Variants in OSBPL1A observed in about 807,000 individuals in gnomAD.
The protein encoded by OSBPL1A is oxysterol-binding protein-related protein 1.
OSBPL1A carries 80 observed loss-of-function variants against 137.1 expected under a neutral mutation model. The observed-to-expected ratio is 0.58, with a 90% CI of 0.49 to 0.70. The LOEUF (loss-of-function observed/expected upper bound fraction) is 0.70. Among genes scored for constraint, OSBPL1A ranks in the 30% least tolerant of loss-of-function variants. The pLI is 0.00. For synonymous variants in OSBPL1A, 365 were observed against 389.7 expected (o/e 0.94, Z 0.75); for missense variants, 970 against 1,129.4 (o/e 0.86, Z 2.02).
intron 2 of OSBPL1A, among the ~76,000 whole-genome samples, chr18:24,371,965 A>G (rs921443101): frequency 2.0e-5 from 3 of 152,032 alleles, no homozygotes; most frequent in African/African-American, 7.3e-5. Context: ...CGACTATTCC[A>G]TTACTGGTAA....
intron 3 of OSBPL1A, chr18:24,368,030 T>C: frequency 3.7e-6 from 1 of 268,394 alleles, no homozygotes; most frequent in Non-Finnish European, 7.0e-6. Context: ...AAATAAAATC[T>C]TCATTAATAT....
At chr18:24,352,539 T>C (rs954490670) in intron 4 of OSBPL1A, among the ~76,000 whole-genome samples, 2 of 152,104 alleles carry the variant, frequency 1.3e-5, no homozygotes, top group African/African-American at 4.8e-5. Context: ...TACCAATGCC[T>C]TTCTTCACAG....
At chr18:24,359,477 C>T (rs1038223237) in intron 4 of OSBPL1A, among the ~76,000 whole-genome samples, 7 of 151,490 alleles carry the variant, frequency 4.6e-5, no homozygotes, top group African/African-American at 1.7e-4. Flanking sequence ...GGTAGGAAGA[C>T]CGCTTAAGGT....
At chr18:24,220,052 T>C (rs1052588594) in intron 17 of OSBPL1A, among the ~76,000 whole-genome samples, 2 of 152,210 alleles carry the variant, frequency 1.3e-5, no homozygotes, top group Non-Finnish European at 2.9e-5. Flanking sequence ...GAGATGGATG[T>C]CACACGTAAT....
At chr18:24,263,213 T>A (rs2089483023) in intron 15 of OSBPL1A, among the ~76,000 whole-genome samples, 1 of 152,218 alleles carries the variant, frequency 6.6e-6, no homozygotes, top group Non-Finnish European at 1.5e-5. Context: ...GGAGGTTATA[T>A]GTCTATCTGA....
chr18:24,191,140 T>TTTCCCAGAGGCCAAGA lies in OSBPL1A; in HGVS notation c.1677+4969_1677+4984dup, dbSNP rs540760702. On this transcript the variant is annotated intron_variant, in intron 18 of 27. Coordinates refer to ENST00000319481, the MANE Select transcript of OSBPL1A (RefSeq NM_080597.4). ...GCTTGGGAAAAGCTTCTCTGGTGTA[T>TTTCCCAGAGGCCAAGA]TTCCCAGAGGCCAAGAAGCCAATGA... Among the ~76,000 whole-genome samples the TTTCCCAGAGGCCAAGA allele has an allele frequency of 1.2e-4, 18 of 151,708 alleles. No homozygotes were observed. The East Asian group carries it at 3.5e-3, about 29-fold the overall frequency.
At position 24,211,681 on chromosome 18, in the gene OSBPL1A, C is replaced by T. The variant is rs138191146; in HGVS notation, c.1601+13361G>A. The stretch of plus-strand genomic sequence containing the variant: ...AGGCAGTTAAAAAAAAAAAAAAATT[C>T]GGCCAGGCGCAGTGTCTCATGCCTG... On this transcript the variant is annotated intron_variant, in intron 17 of 27. Coordinates refer to ENST00000319481, the MANE Select transcript of OSBPL1A (RefSeq NM_080597.4). Among the ~76,000 whole-genome samples the T allele has an allele frequency of 1.1e-3, 167 of 150,066 alleles. 3 individuals carry two copies. In the East Asian group the frequency reaches 0.029, roughly 26 times the overall value.
chr18:24,228,833 G>A (rs1316295733), intron 16 of OSBPL1A, among the ~76,000 whole-genome samples: 1 of 152,168 alleles, frequency 6.6e-6, no homozygotes, highest in Non-Finnish European at 1.5e-5. Flanking sequence ...GCAGTGAGAT[G>A]GCAGTGGAAG....
At chr18:24,209,790 T>C (rs1463168334) in intron 17 of OSBPL1A, among the ~76,000 whole-genome samples, 1 of 152,186 alleles carries the variant, frequency 6.6e-6, no homozygotes, top group African/African-American at 2.4e-5. Flanking sequence ...ACACGCACTG[T>C]GATTCATTTA....
chr18:24,357,698 G>A (rs2091560296), intron 4 of OSBPL1A: 2 of 152,252 alleles, frequency 1.3e-5, no homozygotes, highest in South Asian at 4.2e-4. Context: ...TTCTCCACGA[G>A]GCTAGGATGT....
rs534973989 is a variant in OSBPL1A at position 24,213,234 on chromosome 18, TA to T, written c.1601+11807del. The stretch of plus-strand genomic sequence containing the variant: ...TATACCTTTTTTAGTTATGAATCTT[TA>T]AAAAAAATCCAATGACTTGGTTTCC... On this transcript the variant is annotated intron_variant, in intron 17 of 27. Coordinates refer to ENST00000319481, the MANE Select transcript of OSBPL1A (RefSeq NM_080597.4). 1.2e-4 allele frequency among the ~76,000 whole-genome samples: 18 copies of T among 152,206 alleles called. No homozygotes were observed. The South Asian group carries it at 2.3e-3, about 19-fold the overall frequency.
chr18:24,182,622 C>A (rs551620811), intron 18 of OSBPL1A, among the ~76,000 whole-genome samples: 2 of 152,254 alleles, frequency 1.3e-5, no homozygotes, highest in Non-Finnish European at 2.9e-5. Context: ...TAAGCTCATT[C>A]ATTACCATAA....
At chr18:24,205,915 G>C (rs1453757061) in intron 17 of OSBPL1A, among the ~76,000 whole-genome samples, 2 of 152,208 alleles carry the variant, frequency 1.3e-5, no homozygotes, top group Admixed American at 1.3e-4. Context: ...TTTTGAGACA[G>C]AGTCTCGATC....
At chr18:24,339,618 C>T (rs2091240137) in intron 5 of OSBPL1A, among the ~76,000 whole-genome samples, 1 of 152,190 alleles carries the variant, frequency 6.6e-6, no homozygotes, top group Non-Finnish European at 1.5e-5. Context: ...GTCAGGAAAA[C>T]CTCAGTTCTG....
intron 4 of OSBPL1A, among the ~76,000 whole-genome samples, chr18:24,364,384 G>A (rs1207436929): frequency 5.3e-5 from 8 of 152,156 alleles, no homozygotes; most frequent in African/African-American, 1.9e-4. Flanking sequence ...AGCCTAAGGG[G>A]ATTGAGTAAT....
At chr18:24,311,233 T>C (rs1247636439) in intron 13 of OSBPL1A, among the ~76,000 whole-genome samples, 1 of 152,180 alleles carries the variant, frequency 6.6e-6, no homozygotes, top group African/African-American at 2.4e-5. Flanking sequence ...ACTAGAAACA[T>C]TCAAATCTTG....
intron 16 of OSBPL1A, among the ~76,000 whole-genome samples, chr18:24,238,508 G>T (rs1485083794): frequency 6.6e-6 from 1 of 152,058 alleles, no homozygotes; most frequent in Non-Finnish European, 1.5e-5. Flanking sequence ...GTATCACCAG[G>T]CACTGTTCTA....
At chr18:24,207,187 G>A (rs1271665253) in intron 17 of OSBPL1A, among the ~76,000 whole-genome samples, 3 of 152,140 alleles carry the variant, frequency 2.0e-5, no homozygotes, top group Non-Finnish European at 2.9e-5. Context: ...AGGTTCAAGC[G>A]ATTCTCCTGC....
chr18:24,216,734 T>C (rs2087713311), intron 17 of OSBPL1A, among the ~76,000 whole-genome samples: 1 of 152,168 alleles, frequency 6.6e-6, no homozygotes, highest in South Asian at 2.1e-4. Flanking sequence ...TATTTACCTG[T>C]TTTTGTTTAG....
Sources: gnomAD v4.1 joint callset for allele counts (sites outside exome capture counted in the v4.1 genomes callset) on GRCh38, gnomAD v4.1.1 for gene constraint, MANE v1.5 for transcripts, NCBI Gene and HGNC (gene_info 2026-07-23, HGNC 2026-07-21) for gene names.